Variants in PRDM16 observed in about 807,000 individuals in gnomAD.
PRDM16 encodes the protein histone-lysine N-methyltransferase PRDM16.
PRDM16 carries 23 observed loss-of-function variants against 110.6 expected under a neutral mutation model. The observed-to-expected ratio is 0.21, with a 90% CI of 0.15 to 0.29. The LOEUF (loss-of-function observed/expected upper bound fraction) is 0.29, where lower values mean the gene tolerates loss of function less well. Among genes scored for constraint, PRDM16 ranks in the 10% least tolerant of loss-of-function variants. The pLI is 1.00. For missense variants in PRDM16, 1,615 were observed against 1,794.3 expected (o/e 0.90, Z 1.81); for synonymous variants, 799 against 781.8 (o/e 1.02, Z -0.37).
chr1:3,269,432 G>T (rs1640376817), intron 3 of PRDM16, among the ~76,000 whole-genome samples: 1 of 149,940 alleles, frequency 6.7e-6, no homozygotes, highest in East Asian at 2.0e-4. Context: ...TCCCAGAGGA[G>T]CACAGTCCCA....
intron 1 of PRDM16, among the ~76,000 whole-genome samples, chr1:3,105,231 T>C (rs1469491068): frequency 2.0e-5 from 3 of 152,202 alleles, no homozygotes; most frequent in Non-Finnish European, 4.4e-5. Context: ...GAGGTACCAC[T>C]GTCCTGCCCA....
At chr1:3,076,339 C>A (rs1053350676) in intron 1 of PRDM16, among the ~76,000 whole-genome samples, 5 of 152,154 alleles carry the variant, frequency 3.3e-5, no homozygotes, top group African/African-American at 1.2e-4. Flanking sequence ...TGGTGGGGAC[C>A]TGGGGCTCTC....
At chr1:3,426,725 G>C (rs1638618466) in intron 14 of PRDM16, among the ~76,000 whole-genome samples, 1 of 152,166 alleles carries the variant, frequency 6.6e-6, no homozygotes. Context: ...ATGCACGTTT[G>C]TATACATGTG....
At chr1:3,348,353 C>A (rs536512459) in intron 3 of PRDM16, among the ~76,000 whole-genome samples, 1 of 152,326 alleles carries the variant, frequency 6.6e-6, no homozygotes, top group South Asian at 2.1e-4. Flanking sequence ...CTGGCCAGGT[C>A]ACTCGTTAGT....
chr1:3,418,006 C>G lies in PRDM16; in HGVS notation c.2861+9C>G, dbSNP rs1311984735. On this transcript the variant is annotated intron_variant, in intron 11 of 16. Transcript: ENST00000270722. Reference sequence around the variant, plus strand: ...GAGCGATACACGTGCAGGTGAGGGGCCCTTTGGTGCTGCTGGGACAGCCCT... The same window carrying G: ...GAGCGATACACGTGCAGGTGAGGGGGCCTTTGGTGCTGCTGGGACAGCCCT... 17 of 1,603,656 alleles carry G rather than the reference C, an allele frequency of 1.1e-5. No individual in the cohort carries two copies. Among genetic ancestry groups the G allele is most frequent in the Admixed American group, 1.7e-5 (1 of 59,638 alleles).
rs1638264740 is a variant in PRDM16 at position 3,190,194 on chromosome 1, G to A, written c.387+3720G>A. ...GGCAGCCTTACTTCAAGGTCGTGGGGCAGCGTTACTTCAAGGTCGTGGGGC... is the reference window on the plus strand; with the variant it reads ...GGCAGCCTTACTTCAAGGTCGTGGGACAGCGTTACTTCAAGGTCGTGGGGC... On this transcript the variant is annotated intron_variant, in intron 2 of 16. Coordinates refer to ENST00000270722, the MANE Select transcript of PRDM16 (RefSeq NM_022114.4). The surrounding 1 kb of genome is among the most constrained non-coding windows in gnomAD (Gnocchi z 5.0). Among the ~76,000 whole-genome samples the A allele has an allele frequency of 6.6e-6, 1 of 151,770 alleles. No homozygotes were observed. The highest frequency in any genetic ancestry group is 1.5e-5 in the Non-Finnish European group (1 of 67,952).
At chr1:3,194,983 C>G (rs1188821167) in intron 2 of PRDM16, among the ~76,000 whole-genome samples, 1 of 152,218 alleles carries the variant, frequency 6.6e-6, no homozygotes, top group Non-Finnish European at 1.5e-5. Flanking sequence ...CTTCCCCACT[C>G]AGGAGCTTCT....
chr1:3,273,572 A>G (rs186832903), intron 3 of PRDM16, among the ~76,000 whole-genome samples: 5 of 152,048 alleles, frequency 3.3e-5, no homozygotes, highest in Middle Eastern at 3.4e-3. Flanking sequence ...GTACATGCCC[A>G]TGTGTGCACA....
chr1:3,142,830 T>C (rs1302579083), intron 1 of PRDM16, among the ~76,000 whole-genome samples: 1 of 152,154 alleles, frequency 6.6e-6, no homozygotes, highest in Admixed American at 6.5e-5. Context: ...AACTGATGGA[T>C]GGCCTTGGCT....
At chr1:3,415,541 T>A (rs1638220195) in intron 10 of PRDM16, among the ~76,000 whole-genome samples, 1 of 152,248 alleles carries the variant, frequency 6.6e-6, no homozygotes, top group Non-Finnish European at 1.5e-5. Flanking sequence ...GTTTGGTTAA[T>A]AACTTCCCCT....
intron 1 of PRDM16, among the ~76,000 whole-genome samples, chr1:3,173,567 G>A (rs1011724859): frequency 1.3e-5 from 2 of 152,224 alleles, no homozygotes; most frequent in African/African-American, 2.4e-5. Flanking sequence ...TGGGAGGGGC[G>A]TTCGTGGGCA....
At chr1:3,297,205 T>C (rs1407459411) in intron 3 of PRDM16, among the ~76,000 whole-genome samples, 1 of 152,032 alleles carries the variant, frequency 6.6e-6, no homozygotes, top group East Asian at 1.9e-4. Flanking sequence ...GGACTCACAT[T>C]ACCAGCATTT....
rs554727456 is a variant in PRDM16, at chr1:3,349,123, T to C, written c.439-36029T>C. 3.9e-5 allele frequency among the ~76,000 whole-genome samples: 6 copies of C among 152,350 alleles called. No homozygotes were observed. The East Asian group carries it at 9.7e-4, about 25-fold the overall frequency. ...GAAAAGCCAGGAGTCAATGCATTTC[T>C]GCACGATTTTGTCAGCAACAAACCA... On this transcript the variant is annotated intron_variant, in intron 3 of 16. Coordinates refer to ENST00000270722, the MANE Select transcript of PRDM16 (RefSeq NM_022114.4).
rs183163520 is a variant in PRDM16 at position 3,337,965 on chromosome 1, C to T, written c.439-47187C>T. Among the ~76,000 whole-genome samples the T allele has an allele frequency of 3.2e-3, 485 of 152,292 alleles. 5 individuals are homozygous for T. The highest frequency in any genetic ancestry group is 2.7e-3 in the Non-Finnish European group (184 of 68,026). On this transcript the variant is annotated intron_variant, in intron 3 of 16. Transcript: ENST00000270722. ...ACACACATATGCCCACACACTGGCA[C>T]GCACATGTGTGAACATAGTACACAA...
At chr1:3,313,119 C>T (rs1255024900) in intron 3 of PRDM16, among the ~76,000 whole-genome samples, 6 of 152,254 alleles carry the variant, frequency 3.9e-5, no homozygotes, top group Non-Finnish European at 4.4e-5. Flanking sequence ...CAGCCTTCTC[C>T]GAAGCTGTCA....
chr1:3,320,136 A>G (rs1641706186), intron 3 of PRDM16, among the ~76,000 whole-genome samples: 2 of 152,152 alleles, frequency 1.3e-5, no homozygotes, highest in Non-Finnish European at 2.9e-5. Flanking sequence ...CCTGCCCTCT[A>G]CTGTTTGTTA....
At position 3,370,369 on chromosome 1, in the gene PRDM16, A is replaced by T. The variant is rs896361336; in HGVS notation, c.439-14783A>T. Among the ~76,000 whole-genome samples the T allele has an allele frequency of 1.3e-5, 2 of 152,154 alleles. No individual in the cohort carries two copies. Among genetic ancestry groups the T allele is most frequent in the African/African-American group, 4.8e-5 (2 of 41,418 alleles). The stretch of plus-strand genomic sequence containing the variant: ...AAGGGAAAGGATTTGAAATGGAGGG[A>T]TGAAGACAGACCCCTGGGAAACGGA... On this transcript the variant is annotated intron_variant, in intron 3 of 16. Transcript: ENST00000270722. This position sits in a 1 kb window ranked among gnomAD's most constrained non-coding sequence, Gnocchi z 4.8.
intron 1 of PRDM16, among the ~76,000 whole-genome samples, chr1:3,108,479 T>C (rs1363622791): frequency 6.6e-6 from 1 of 152,230 alleles, no homozygotes; most frequent in African/African-American, 2.4e-5. Context: ...TTTGTCCCAG[T>C]GAGGGTCTGT....
Position 3,414,619 on chromosome 1 carries a change from G to C in PRDM16, c.2663G>C (p.Arg888Pro). 6.2e-7 allele frequency: 1 copy of C among 1,613,338 alleles called. No homozygotes were observed. Among genetic ancestry groups the C allele is most frequent in the Non-Finnish European group, 8.5e-7 (1 of 1,179,838 alleles). ...PVGALKEKYL[R>P]PSPLLFHPQM... ...GGAGCCCTGAAGGAGAAGTACCTGC[G>C]GCCGTCCCCGCTGCTCTTCCACCCC... Residue 888 changes from arginine (R) to proline (P), a missense_variant, in exon 10 of 17, where the codon CGG becomes CCG. Physicochemically the swap from Arg to Pro is moderately radical, Grantham distance 103. Transcript: ENST00000270722.
Sources: allele counts gnomAD v4.1 joint callset (sites outside exome capture counted in the v4.1 genomes callset), GRCh38; gene constraint gnomAD v4.1.1; non-coding constraint Gnocchi (gnomAD v3.1); transcripts MANE v1.5; gene names NCBI Gene and HGNC (gene_info 2026-07-23, HGNC 2026-07-21).